Variants in CDKAL1 observed in about 807,000 individuals in gnomAD.
The protein encoded by CDKAL1 is CDKAL1 threonylcarbamoyladenosine tRNA methylthiotransferase, also known as threonylcarbamoyladenosine tRNA methylthiotransferase.
Under a neutral mutation model 68.2 loss-of-function variants are expected in CDKAL1, and 32 were observed. That is an observed-to-expected ratio of 0.47 (90% CI 0.35 to 0.63). The LOEUF is 0.63. Among genes scored for constraint, CDKAL1 ranks in the 30% least tolerant of loss-of-function variants. The probability of loss-of-function intolerance (pLI) is 0.00; values close to 1 mark genes in which losing one functional copy is unlikely to be tolerated. For synonymous variants in CDKAL1, 234 were observed against 244.3 expected (o/e 0.96, Z 0.39); for missense variants, 606 against 696.7 (o/e 0.87, Z 1.47).
At chr6:20,613,857 A>G (rs941407987) in intron 4 of CDKAL1, among the ~76,000 whole-genome samples, 13 of 152,222 alleles carry the variant, frequency 8.5e-5, no homozygotes, top group Admixed American at 3.9e-4. Flanking sequence ...AGTTGTGTAC[A>G]TTTCTAATTT....
At chr6:21,176,860 A>C (rs1777604892) in intron 13 of CDKAL1, among the ~76,000 whole-genome samples, 2 of 112,236 alleles carry the variant, frequency 1.8e-5, no homozygotes, top group Non-Finnish European at 3.7e-5. Flanking sequence ...GTGCCCAGCT[A>C]ATTTTTTTTT....
At chr6:20,759,452 G>A (rs898451359) in intron 7 of CDKAL1, among the ~76,000 whole-genome samples, 8 of 152,108 alleles carry the variant, frequency 5.3e-5, no homozygotes, top group Non-Finnish European at 8.8e-5. Flanking sequence ...TGAGGTGGGA[G>A]GATTGCTTGA....
At chr6:21,065,462 GA>G (rs796656733) in intron 12 of CDKAL1, among the ~76,000 whole-genome samples, 1 of 151,926 alleles carries the variant, frequency 6.6e-6, no homozygotes, top group Non-Finnish European at 1.5e-5. Flanking sequence ...ATGACTTGGG[GA>G]AAAAAATTTT....
At chr6:20,837,818 G>A (rs1024573243) in intron 8 of CDKAL1, among the ~76,000 whole-genome samples, 21 of 150,992 alleles carry the variant, frequency 1.4e-4, no homozygotes, top group African/African-American at 5.1e-4. Context: ...TTCTAATTCA[G>A]TAAATCTGAT....
chr6:20,862,087 ATTAG>A (rs1759662112), intron 9 of CDKAL1, among the ~76,000 whole-genome samples: 2 of 152,206 alleles, frequency 1.3e-5, no homozygotes, highest in African/African-American at 2.4e-5. Flanking sequence ...AACTCATAAG[ATTAG>A]TTAGATAAAT....
At chr6:21,072,380 T>A (rs1771827184) in intron 12 of CDKAL1, among the ~76,000 whole-genome samples, 1 of 152,124 alleles carries the variant, frequency 6.6e-6, no homozygotes, top group African/African-American at 2.4e-5. Flanking sequence ...ATTGTACATT[T>A]TATTCACCTT....
At chr6:20,797,550 C>T (rs1270037308) in intron 8 of CDKAL1, among the ~76,000 whole-genome samples, 1 of 152,180 alleles carries the variant, frequency 6.6e-6, no homozygotes, top group Non-Finnish European at 1.5e-5. Context: ...TTTATGGCAG[C>T]TTCCTTCCTA....
At chr6:20,891,758 C>A (rs1761415765) in intron 9 of CDKAL1, among the ~76,000 whole-genome samples, 1 of 152,248 alleles carries the variant, frequency 6.6e-6, no homozygotes, top group African/African-American at 2.4e-5. Context: ...TGGTCTTGAT[C>A]TCTTGACCTC....
intron 4 of CDKAL1, among the ~76,000 whole-genome samples, chr6:20,600,766 G>GTA (rs1554161060): frequency 1.6e-5 from 1 of 61,050 alleles, no homozygotes; most frequent in Non-Finnish European, 3.3e-5. Flanking sequence ...AGATATATAT[G>GTA]TATACATATA....
At chr6:20,642,596 T>A (rs374675656) in intron 4 of CDKAL1, among the ~76,000 whole-genome samples, 248 of 151,492 alleles carry the variant, frequency 1.6e-3, no homozygotes, top group African/African-American at 5.8e-3. Flanking sequence ...TTGGCGGAAG[T>A]CCAAAGTTTT....
chr6:20,849,483 G>T (rs11962974), intron 9 of CDKAL1, among the ~76,000 whole-genome samples: 21,786 of 151,372 alleles, frequency 0.14, 2,110 homozygotes, highest in African/African-American at 0.27. Flanking sequence ...CTTGGGAGGC[G>T]GAGGCAGGAG....
At chr6:20,856,690 T>G (rs1759355626) in intron 9 of CDKAL1, among the ~76,000 whole-genome samples, 1 of 152,216 alleles carries the variant, frequency 6.6e-6, no homozygotes. Flanking sequence ...AACCAAATGT[T>G]TGCGTTTACC....
chr6:21,137,620 A>G (rs1050664658), intron 13 of CDKAL1, among the ~76,000 whole-genome samples: 1 of 152,216 alleles, frequency 6.6e-6, no homozygotes, highest in African/African-American at 2.4e-5. Flanking sequence ...TTTTTTTAAA[A>G]CAATCATTTC....
rs1158054198 is a variant in CDKAL1, at chr6:20,916,797, A to G, written c.743-38622A>G. Among the ~76,000 whole-genome samples the G allele has an allele frequency of 3.3e-5, 5 of 152,272 alleles. No homozygotes were observed. In the South Asian group the frequency reaches 6.2e-4, roughly 19 times the overall value. ...GTATTGCTTCTACCATCTCCTTTCT[A>G]TCAATTATTACCAGTTCTTCCTTAA... On this transcript the variant is annotated intron_variant, in intron 9 of 15. Coordinates refer to ENST00000274695, the MANE Select transcript of CDKAL1 (RefSeq NM_017774.3).
intron 9 of CDKAL1, among the ~76,000 whole-genome samples, chr6:20,932,732 C>A (rs755675434): frequency 6.6e-6 from 1 of 152,076 alleles, no homozygotes; most frequent in Non-Finnish European, 1.5e-5. Flanking sequence ...CTTGCCAACA[C>A]CAAAAATGTT....
chr6:20,864,849 A>G (rs1406311292), intron 9 of CDKAL1, among the ~76,000 whole-genome samples: 5 of 152,150 alleles, frequency 3.3e-5, no homozygotes, highest in Non-Finnish European at 7.4e-5. Flanking sequence ...ATGCTGCATG[A>G]TATTTATTAT....
intron 8 of CDKAL1, among the ~76,000 whole-genome samples, chr6:20,797,123 C>T (rs1393077987): frequency 1.3e-5 from 2 of 152,130 alleles, no homozygotes; most frequent in African/African-American, 4.8e-5. Flanking sequence ...TTGCAGATCA[C>T]ATACACAGCA....
intron 9 of CDKAL1, among the ~76,000 whole-genome samples, chr6:20,955,214 A>G (rs868241621): frequency 9.9e-5 from 15 of 152,234 alleles, no homozygotes; most frequent in South Asian, 4.1e-4. Context: ...GATAATTTAC[A>G]GCATTGTTGT....
At chr6:20,948,930 G>T (rs1204743848) in intron 9 of CDKAL1, among the ~76,000 whole-genome samples, 1 of 152,124 alleles carries the variant, frequency 6.6e-6, no homozygotes, top group Non-Finnish European at 1.5e-5. Context: ...CCAAATTCCT[G>T]CAGAAGTATG....
Sources: gnomAD v4.1 joint callset for allele counts (sites outside exome capture counted in the v4.1 genomes callset) on GRCh38, gnomAD v4.1.1 for gene constraint, MANE v1.5 for transcripts, NCBI Gene and HGNC (gene_info 2026-07-23, HGNC 2026-07-21) for gene names.